The following GPC6 variants were observed in gnomAD, a reference collection of about 807,000 sequenced individuals.
The protein encoded by GPC6 is glypican 6.
GPC6 carries 14 observed loss-of-function variants against 55.2 expected under a neutral mutation model. The observed-to-expected ratio is 0.25, with a 90% CI of 0.17 to 0.40. The LOEUF is 0.40. GPC6 is among the 10% of genes least tolerant of loss of function. GPC6 has a pLI of 1.00. For synonymous variants in GPC6, 278 were observed against 259.6 expected (o/e 1.07, Z -0.68); for missense variants, 641 against 708.5 (o/e 0.90, Z 1.08).
At chr13:94,396,827 A>C (rs1230441892) in intron 7 of GPC6, among the ~76,000 whole-genome samples, 1 of 152,216 alleles carries the variant, frequency 6.6e-6, no homozygotes, top group East Asian at 1.9e-4. Context: ...TCCTCCAGGC[A>C]GTCTGGGGCA....
chr13:93,770,519 T>C (rs964168409), intron 2 of GPC6, among the ~76,000 whole-genome samples: 2 of 152,148 alleles, frequency 1.3e-5, no homozygotes, highest in African/African-American at 4.8e-5. Context: ...ACAGGCCCTC[T>C]TAGCTAGTGT....
At chr13:93,936,779 T>C (rs1235016985) in intron 3 of GPC6, among the ~76,000 whole-genome samples, 1 of 152,074 alleles carries the variant, frequency 6.6e-6, no homozygotes, top group Non-Finnish European at 1.5e-5. Context: ...AAACCACGGG[T>C]GGATTTTCAG....
At chr13:94,363,001 C>G (rs1167651333) in intron 6 of GPC6, among the ~76,000 whole-genome samples, 1 of 152,130 alleles carries the variant, frequency 6.6e-6, no homozygotes, top group African/African-American at 2.4e-5. Context: ...TTTTAAGCCC[C>G]ACATGCATTA....
intron 4 of GPC6, among the ~76,000 whole-genome samples, chr13:94,043,525 C>T (rs1883615365): frequency 6.6e-6 from 1 of 151,638 alleles, no homozygotes; most frequent in East Asian, 1.9e-4. Context: ...TGCTATAATA[C>T]TATTAACTAA....
intron 3 of GPC6, among the ~76,000 whole-genome samples, chr13:94,007,113 AT>A (rs1235035602): frequency 6.6e-5 from 10 of 152,212 alleles, no homozygotes; most frequent in Non-Finnish European, 1.5e-4. Context: ...TAAATCTTAG[AT>A]CCAATCACCT....
At chr13:93,516,517 G>A (rs1881198637) in intron 1 of GPC6, among the ~76,000 whole-genome samples, 2 of 152,124 alleles carry the variant, frequency 1.3e-5, no homozygotes, top group South Asian at 4.1e-4. Flanking sequence ...TTTTTCAAGA[G>A]ACAGGCATAG....
chr13:93,473,591 T>C (rs557792024), intron 1 of GPC6, among the ~76,000 whole-genome samples: 7 of 152,258 alleles, frequency 4.6e-5, no homozygotes, highest in African/African-American at 1.7e-4. Context: ...ATGCACTTGG[T>C]AGAGCATACA....
intron 4 of GPC6, among the ~76,000 whole-genome samples, chr13:94,199,614 C>A (rs9805772): frequency 0.23 from 34,858 of 152,118 alleles, 4,424 homozygotes; most frequent in African/African-American, 0.34. Context: ...CCTTATCTGT[C>A]AAACAGGGAT....
intron 6 of GPC6, among the ~76,000 whole-genome samples, chr13:94,356,363 AC>A (rs1878796647): frequency 6.6e-6 from 1 of 152,210 alleles, no homozygotes; most frequent in African/African-American, 2.4e-5. Context: ...TTGAGGAATC[AC>A]CACACTCTCT....
At chr13:93,946,427 C>T (rs75529673) in intron 3 of GPC6, among the ~76,000 whole-genome samples, 77 of 152,198 alleles carry the variant, frequency 5.1e-4, no homozygotes, top group African/African-American at 1.7e-3. Context: ...CCACCGCTCT[C>T]GCCCCAAACT....
chr13:94,229,182 T>A (rs1454759994), intron 4 of GPC6, among the ~76,000 whole-genome samples: 1 of 152,202 alleles, frequency 6.6e-6, no homozygotes, highest in Non-Finnish European at 1.5e-5. Context: ...CATTGTTATT[T>A]AACATACATT....
At chr13:94,386,139 G>T (rs140660388) in intron 7 of GPC6, among the ~76,000 whole-genome samples, 1 of 151,148 alleles carries the variant, frequency 6.6e-6, no homozygotes, top group African/African-American at 2.4e-5. Flanking sequence ...GCGGGCGGAT[G>T]ATGAGGTCAG....
At chr13:93,886,338 G>A (rs1485493995) in intron 3 of GPC6, among the ~76,000 whole-genome samples, 1 of 152,044 alleles carries the variant, frequency 6.6e-6, no homozygotes, top group Non-Finnish European at 1.5e-5. Flanking sequence ...TTAAAAATCA[G>A]TGGTGGTATG....
At chr13:94,204,723 A>T (rs1889851305) in intron 4 of GPC6, among the ~76,000 whole-genome samples, 1 of 152,212 alleles carries the variant, frequency 6.6e-6, no homozygotes, top group South Asian at 2.1e-4. Context: ...AGCAGGTTGG[A>T]AAAGAAGGTT....
At chr13:93,354,594 G>A (rs1880775756) in intron 1 of GPC6, among the ~76,000 whole-genome samples, 1 of 147,626 alleles carries the variant, frequency 6.8e-6, no homozygotes, top group Admixed American at 6.9e-5. Flanking sequence ...TCGATCTCCT[G>A]ACCTCGTGAT....
In GPC6 at chr13:93,276,491, AGAGAGT is replaced by A. The variant is rs1442798149; in HGVS notation, c.160+48877_160+48882del. Reference sequence around the variant, plus strand: ...GAGAGAGAGAGAGAGAGAGAGAGAGAGAGAGTGTGTGTGTGTGTGTGTGTGTGTGTG... The same window carrying A: ...GAGAGAGAGAGAGAGAGAGAGAGAGAGTGTGTGTGTGTGTGTGTGTGTGTG... On this transcript the variant is annotated intron_variant, in intron 1 of 8. Transcript: ENST00000377047. Among the ~76,000 whole-genome samples, 1,164 of 128,420 alleles carry A rather than the reference AGAGAGT, an allele frequency of 9.1e-3. 7 individuals carry two copies. The highest frequency in any genetic ancestry group is 0.031 in the African/African-American group (983 of 32,084). 84.2% of individuals were successfully genotyped at this position (128,420 alleles called of 152,430 possible).
At chr13:93,959,692 C>A (rs943559816) in intron 3 of GPC6, among the ~76,000 whole-genome samples, 4 of 152,142 alleles carry the variant, frequency 2.6e-5, no homozygotes, top group Non-Finnish European at 5.9e-5. Context: ...CCTGTCACTA[C>A]CCTGATGGAC....
chr13:94,263,865 T>G (rs1454154255), intron 4 of GPC6, among the ~76,000 whole-genome samples: 1 of 152,206 alleles, frequency 6.6e-6, no homozygotes, highest in Non-Finnish European at 1.5e-5. Context: ...TAAGCTTTTA[T>G]TGTAATAAAA....
rs140494411 is a variant in GPC6, at chr13:94,345,668, G to A, written c.1153-36746G>A. Among the ~76,000 whole-genome samples the A allele has an allele frequency of 5.5e-3, 841 of 152,322 alleles. 7 individuals are homozygous for A. Among genetic ancestry groups the A allele is most frequent in the African/African-American group, 0.019 (801 of 41,562 alleles). On this transcript the variant is annotated intron_variant, in intron 6 of 8. Transcript: ENST00000377047. Reference sequence around the variant, plus strand: ...CTGGGAATCAAGAGGTACAGTGTAGGAAAGCTGTTCAGCTCTCTTGAGAAC... The same window carrying A: ...CTGGGAATCAAGAGGTACAGTGTAGAAAAGCTGTTCAGCTCTCTTGAGAAC...
Sources: gnomAD v4.1 joint callset for allele counts (sites outside exome capture counted in the v4.1 genomes callset) on GRCh38, gnomAD v4.1.1 for gene constraint, MANE v1.5 for transcripts, NCBI Gene and HGNC (gene_info 2026-07-23, HGNC 2026-07-21) for gene names.